Variants in PDE4D observed in about 807,000 individuals in gnomAD.
PDE4D encodes the protein phosphodiesterase 4D.
PDE4D carries 24 observed loss-of-function variants against 87.4 expected under a neutral mutation model. The ratio of observed to expected loss-of-function variants is 0.27; its 90% CI spans 0.20 to 0.39. The LOEUF is 0.39. Ranked by LOEUF, PDE4D falls within the 10% of genes least tolerant of loss-of-function variation. The pLI is 1.00. For missense variants in PDE4D, 714 were observed against 1,041.0 expected, an observed-to-expected ratio of 0.69 and a Z score of 4.32; for synonymous variants, 384 against 383.2, an observed-to-expected ratio of 1.00 and a Z score of -0.02.
At chr5:59,163,662 CT>C (rs1676785706) in intron 5 of PDE4D, among the ~76,000 whole-genome samples, 2 of 152,220 alleles carry the variant, frequency 1.3e-5, no homozygotes, top group Non-Finnish European at 2.9e-5. Context: ...ATCTTTTCCT[CT>C]TTTCCACCTT....
intron 1 of PDE4D, among the ~76,000 whole-genome samples, chr5:59,868,327 T>C (rs924223526): frequency 6.6e-6 from 1 of 152,176 alleles, no homozygotes; most frequent in African/African-American, 2.4e-5. Flanking sequence ...ACAATGTTTT[T>C]TATTTGTGCC....
intron 1 of PDE4D, chr5:59,797,224 G>T (rs2152658702): frequency 1.3e-5 from 2 of 151,016 alleles, no homozygotes; most frequent in Middle Eastern, 3.5e-3. Flanking sequence ...GAAAATAGAA[G>T]ACCTGTTGCT....
chr5:59,393,939 C>G (rs1055175025), intron 1 of PDE4D, among the ~76,000 whole-genome samples: 1 of 152,116 alleles, frequency 6.6e-6, no homozygotes, highest in Non-Finnish European at 1.5e-5. Flanking sequence ...CTCTTGAAAA[C>G]AAGTTCATTC....
At chr5:59,423,909 T>C (rs573983108) in intron 1 of PDE4D, among the ~76,000 whole-genome samples, 1 of 151,290 alleles carries the variant, frequency 6.6e-6, no homozygotes, top group African/African-American at 2.4e-5. Flanking sequence ...TGGATGACAG[T>C]CAGGAAGAGG....
At chr5:59,047,044 T>A (rs1477070650) in intron 5 of PDE4D, among the ~76,000 whole-genome samples, 1 of 152,218 alleles carries the variant, frequency 6.6e-6, no homozygotes, top group East Asian at 1.9e-4. Flanking sequence ...TTGTAAGTTA[T>A]TTTAGTTCAA....
intron 1 of PDE4D, among the ~76,000 whole-genome samples, chr5:60,355,254 T>C (rs373695447): frequency 5.9e-5 from 9 of 152,338 alleles, no homozygotes; most frequent in African/African-American, 2.2e-4. Context: ...CTGACTATTA[T>C]ACTTTCCCTG....
intron 1 of PDE4D, among the ~76,000 whole-genome samples, chr5:59,692,035 T>C (rs1343701972): frequency 1.3e-5 from 2 of 152,120 alleles, no homozygotes; most frequent in African/African-American, 4.8e-5. Flanking sequence ...TTAAAATATA[T>C]GATAGGAAGA....
At chr5:60,457,785 C>T (rs1746589786) in intron 1 of PDE4D, among the ~76,000 whole-genome samples, 3 of 152,146 alleles carry the variant, frequency 2.0e-5, no homozygotes, top group Non-Finnish European at 4.4e-5. Flanking sequence ...AAGATGGGGG[C>T]CTGTTTCAGC....
intron 1 of PDE4D, among the ~76,000 whole-genome samples, chr5:59,724,577 T>C (rs1325081322): frequency 6.6e-6 from 1 of 152,116 alleles, no homozygotes; most frequent in Non-Finnish European, 1.5e-5. Flanking sequence ...TACTTAATTA[T>C]GCATAAATAA....
intron 1 of PDE4D, among the ~76,000 whole-genome samples, chr5:59,322,820 G>A (rs1460301148): frequency 6.6e-6 from 1 of 152,050 alleles, no homozygotes; most frequent in African/African-American, 2.4e-5. Flanking sequence ...GGAGATCACT[G>A]GTCCAAGAAG....
At chr5:60,473,617 C>T (rs919747705) in intron 1 of PDE4D, among the ~76,000 whole-genome samples, 1 of 152,000 alleles carries the variant, frequency 6.6e-6, no homozygotes, top group Non-Finnish European at 1.5e-5. Flanking sequence ...GCTAACAAAT[C>T]TTGCTGCCCT....
At chr5:59,919,476 C>A (rs1417256007) in intron 3 of PDE4D, among the ~76,000 whole-genome samples, 2 of 152,152 alleles carry the variant, frequency 1.3e-5, no homozygotes, top group Non-Finnish European at 2.9e-5. Flanking sequence ...GTGGGATTAA[C>A]TGTATCTGTA....
chr5:59,712,427 T>C (rs1754340752), intron 1 of PDE4D, among the ~76,000 whole-genome samples: 1 of 136,866 alleles, frequency 7.3e-6, no homozygotes, highest in South Asian at 2.3e-4. Context: ...TATATATATA[T>C]ATTTAAGTTG....
chr5:60,337,010 T>C (rs1268614564), intron 1 of PDE4D, among the ~76,000 whole-genome samples: 1 of 152,034 alleles, frequency 6.6e-6, no homozygotes, highest in Non-Finnish European at 1.5e-5. Flanking sequence ...TGTAGAACTA[T>C]GATAACTGCT....
chr5:59,609,350 C>T (rs1003489143), intron 1 of PDE4D, among the ~76,000 whole-genome samples: 10 of 138,758 alleles, frequency 7.2e-5, no homozygotes, highest in African/African-American at 2.6e-4. Flanking sequence ...GCATGAGAAA[C>T]ACGTATATCT....
intron 6 of PDE4D, among the ~76,000 whole-genome samples, chr5:59,005,911 T>A (rs928300782): frequency 1.3e-5 from 2 of 152,208 alleles, no homozygotes; most frequent in South Asian, 4.1e-4. Flanking sequence ...GATTTGTTTA[T>A]CCTCAATCTT....
intron 1 of PDE4D, among the ~76,000 whole-genome samples, chr5:59,624,355 T>G (rs2150122586): frequency 6.6e-6 from 1 of 152,106 alleles, no homozygotes; most frequent in East Asian, 1.9e-4. Flanking sequence ...TATCTACAAA[T>G]TCTCACTTAA....
chr5:59,802,778 C>A (rs1205420658), intron 1 of PDE4D, among the ~76,000 whole-genome samples: 1 of 151,994 alleles, frequency 6.6e-6, no homozygotes, highest in Non-Finnish European at 1.5e-5. Context: ...AGGTGAGAAG[C>A]AGGGGCTATA....
At chr5:58,976,030 GC>G (rs1016808000) in intron 13 of PDE4D, among the ~76,000 whole-genome samples, 191 bp from the exon 14 acceptor site, 2 of 152,126 alleles carry the variant, frequency 1.3e-5, no homozygotes, top group African/African-American at 4.8e-5. Context: ...TCCAAATTAT[GC>G]CACTTCTACT....
Sources: allele counts gnomAD v4.1 joint callset (sites outside exome capture counted in the v4.1 genomes callset), GRCh38; gene constraint gnomAD v4.1.1; transcripts MANE v1.5; gene names NCBI Gene and HGNC (gene_info 2026-07-23, HGNC 2026-07-21).